Variants in NRG1 observed in about 807,000 individuals in gnomAD.
NRG1 encodes neuregulin 1.
In NRG1, 18 loss-of-function variants were observed where a neutral mutation model predicts 63.8. The ratio of observed to expected loss-of-function variants is 0.28; its 90% CI spans 0.19 to 0.42. The LOEUF (loss-of-function observed/expected upper bound fraction) is 0.42, where lower values mean the gene tolerates loss of function less well. NRG1 is among the 10% of genes least tolerant of loss of function. The probability of loss-of-function intolerance (pLI) is 1.00; values close to 1 mark genes in which losing one functional copy is unlikely to be tolerated. For missense variants in NRG1, 762 were observed against 814.7 expected (o/e 0.94, Z 0.79); for synonymous variants, 302 against 301.3 (o/e 1.00, Z -0.02).
intron 1 of NRG1, among the ~76,000 whole-genome samples, chr8:32,381,442 C>G (rs1056920253): frequency 9.9e-5 from 15 of 152,130 alleles, no homozygotes; most frequent in Non-Finnish European, 1.6e-4. Context: ...AGCTGTGTAC[C>G]CTGTTCAATG....
Position 32,128,194 on chromosome 8 carries a change from T to G in NRG1, c.38-467634T>G, listed in dbSNP as rs550415308. ...GGTGTTTTCTTCCACTTGGTGGAGC[T>G]GTGCACATGTGTGCTTGCGGAGAAA... On this transcript the variant is annotated intron_variant, in intron 1 of 10. Transcript: ENST00000519301. Among the ~76,000 whole-genome samples the G allele has an allele frequency of 3.3e-5, 5 of 152,056 alleles. No homozygotes were observed. The East Asian group carries it at 9.7e-4, about 30-fold the overall frequency.
intron 5 of NRG1, among the ~76,000 whole-genome samples, chr8:32,635,019 A>G (rs1328473225): frequency 8.5e-5 from 13 of 152,162 alleles, no homozygotes; most frequent in Admixed American, 8.5e-4. Context: ...TGATGTATAT[A>G]TATTACTTGG....
At chr8:32,394,790 T>C (rs1437036592) in intron 1 of NRG1, among the ~76,000 whole-genome samples, 1 of 152,154 alleles carries the variant, frequency 6.6e-6, no homozygotes, top group Non-Finnish European at 1.5e-5. Context: ...CCCCTTCCAT[T>C]TGGCAAATCC....
chr8:32,725,947 C>T (rs917944632), intron 5 of NRG1, among the ~76,000 whole-genome samples: 3 of 152,002 alleles, frequency 2.0e-5, no homozygotes, highest in Non-Finnish European at 2.9e-5. Flanking sequence ...ATCATGTTTC[C>T]CCTCTTCTTA....
intron 1 of NRG1, among the ~76,000 whole-genome samples, chr8:32,563,947 C>A (rs1483879893): frequency 6.6e-6 from 1 of 152,100 alleles, no homozygotes. Context: ...CTTTCTATTA[C>A]TAAGATCCCC....
At chr8:32,669,618 T>C (rs1178260305) in intron 5 of NRG1, among the ~76,000 whole-genome samples, 4 of 152,170 alleles carry the variant, frequency 2.6e-5, no homozygotes, top group Non-Finnish European at 4.4e-5. Context: ...GACATTTAAG[T>C]TAATAGAGTG....
At chr8:32,557,524 G>A (rs1188119783) in intron 1 of NRG1, among the ~76,000 whole-genome samples, 1 of 152,100 alleles carries the variant, frequency 6.6e-6, no homozygotes, top group Non-Finnish European at 1.5e-5. Flanking sequence ...CCATGAGATG[G>A]TAGATCTTTA....
chr8:32,569,246 G>T (rs1418328128), intron 1 of NRG1, among the ~76,000 whole-genome samples: 1 of 152,078 alleles, frequency 6.6e-6, no homozygotes. Context: ...GAGGGGTTTT[G>T]CCATGTTGGC....
chr8:32,051,647 A>G (rs1821991305), intron 1 of NRG1, among the ~76,000 whole-genome samples: 1 of 152,120 alleles, frequency 6.6e-6, no homozygotes. Flanking sequence ...GCAAAGAGAA[A>G]CATTTGCATG....
intron 1 of NRG1, among the ~76,000 whole-genome samples, chr8:32,148,272 C>T (rs1837118993): frequency 6.6e-6 from 1 of 152,086 alleles, no homozygotes; most frequent in Admixed American, 6.5e-5. Context: ...AGGATTTGAC[C>T]CCACACAATC....
chr8:32,593,091 A>G lies in NRG1; in HGVS notation c.101-2737A>G, dbSNP rs373202234. On this transcript the variant is annotated intron_variant, in intron 1 of 11. Transcript: ENST00000356819. Reference sequence around the variant, plus strand: ...CATCCTTGTCATCTTCATGTTGAGTAGGCTGAGGAGGAAGAGGAAGAGGCG... The same window carrying G: ...CATCCTTGTCATCTTCATGTTGAGTGGGCTGAGGAGGAAGAGGAAGAGGCG... Among the ~76,000 whole-genome samples, 3 of 152,142 alleles carry G rather than the reference A, an allele frequency of 2.0e-5. No individual in the cohort carries two copies. The South Asian group carries it at 6.2e-4, about 32-fold the overall frequency.
At chr8:32,247,132 G>A (rs941361834) in intron 1 of NRG1, among the ~76,000 whole-genome samples, 8 of 151,722 alleles carry the variant, frequency 5.3e-5, no homozygotes, top group Admixed American at 5.3e-4. Context: ...GAAAGCACTG[G>A]CTTAGAAGAA....
intron 1 of NRG1, among the ~76,000 whole-genome samples, chr8:32,120,042 C>T (rs1585428752): frequency 6.6e-6 from 1 of 152,012 alleles, no homozygotes; most frequent in Admixed American, 6.6e-5. Flanking sequence ...TCAGTTTTCT[C>T]AGCTTTAAAA....
At chr8:32,646,385 A>G (rs1329586783) in intron 5 of NRG1, among the ~76,000 whole-genome samples, 1 of 152,238 alleles carries the variant, frequency 6.6e-6, no homozygotes, top group South Asian at 2.1e-4. Flanking sequence ...AGGTAATAAC[A>G]GTCCTCTTAG....
intron 1 of NRG1, among the ~76,000 whole-genome samples, chr8:32,577,325 T>A (rs939689946): frequency 2.0e-5 from 3 of 152,204 alleles, no homozygotes; most frequent in African/African-American, 7.2e-5. Context: ...ATATTTCATA[T>A]TCATTTTAGT....
intron 1 of NRG1, among the ~76,000 whole-genome samples, chr8:32,592,105 GT>G (rs113892607): frequency 0.028 from 4,086 of 145,140 alleles, 192 homozygotes; most frequent in African/African-American, 0.095. Flanking sequence ...AAGGCTCCCG[GT>G]TTTTTTTTTT....
intron 1 of NRG1, among the ~76,000 whole-genome samples, chr8:31,918,374 C>G (rs1833597538): frequency 6.6e-6 from 1 of 152,048 alleles, no homozygotes; most frequent in Non-Finnish European, 1.5e-5. Context: ...GAAATATGTC[C>G]CATCGATACC....
At chr8:32,350,842 A>AT (rs1805511724) in intron 1 of NRG1, among the ~76,000 whole-genome samples, 1 of 152,120 alleles carries the variant, frequency 6.6e-6, no homozygotes. Flanking sequence ...TGATTTGTTG[A>AT]TTTTTTGAGG....
intron 1 of NRG1, among the ~76,000 whole-genome samples, chr8:31,917,868 C>G (rs1488310484): frequency 6.6e-6 from 1 of 152,116 alleles, no homozygotes; most frequent in African/African-American, 2.4e-5. Context: ...TGTTTGTAAC[C>G]TCTTTAATTT....
Sources: allele counts gnomAD v4.1 joint callset (sites outside exome capture counted in the v4.1 genomes callset), GRCh38; gene constraint gnomAD v4.1.1; transcripts MANE v1.5; gene names NCBI Gene and HGNC (gene_info 2026-07-23, HGNC 2026-07-21).